CACNA2D3: variants seen among roughly 807,000 people sequenced by gnomAD.
The protein encoded by CACNA2D3 is voltage-dependent calcium channel subunit alpha-2/delta-3.
Under a neutral mutation model 160.6 loss-of-function variants are expected in CACNA2D3, and 60 were observed. That is an observed-to-expected ratio of 0.37 (90% CI 0.30 to 0.46). The LOEUF is 0.46. Ranked by LOEUF, CACNA2D3 falls within the 20% of genes least tolerant of loss-of-function variation. The probability of loss-of-function intolerance (pLI) is 1.00; values close to 1 mark genes in which losing one functional copy is unlikely to be tolerated. For synonymous variants in CACNA2D3, 558 were observed against 492.9 expected, an observed-to-expected ratio of 1.13 and a Z score of -1.75; for missense variants, 1,205 against 1,365.0, an observed-to-expected ratio of 0.88 and a Z score of 1.85.
At chr3:54,768,199 T>C (rs1702256481) in intron 13 of CACNA2D3, among the ~76,000 whole-genome samples, 1 of 152,214 alleles carries the variant, frequency 6.6e-6, no homozygotes, top group Non-Finnish European at 1.5e-5. Flanking sequence ...TGGGATACTA[T>C]GTACACTGTC....
chr3:54,636,438 C>T (rs921492748), intron 10 of CACNA2D3, among the ~76,000 whole-genome samples: 1 of 151,834 alleles, frequency 6.6e-6, no homozygotes, highest in African/African-American at 2.4e-5. Context: ...CTGAAGGAGC[C>T]AGGGAGCAGA....
At chr3:54,599,642 G>A (rs535283426) in intron 9 of CACNA2D3, among the ~76,000 whole-genome samples, 2 of 152,224 alleles carry the variant, frequency 1.3e-5, no homozygotes, top group South Asian at 2.1e-4. Context: ...TAGGCAAAAC[G>A]GTGGTCTTTC....
At chr3:54,317,655 A>T (rs1052838306) in intron 2 of CACNA2D3, among the ~76,000 whole-genome samples, 1 of 152,098 alleles carries the variant, frequency 6.6e-6, no homozygotes, top group African/African-American at 2.4e-5. Flanking sequence ...CTTCTGCCTC[A>T]GTCTCCTGAG....
intron 27 of CACNA2D3, among the ~76,000 whole-genome samples, chr3:54,923,063 C>T (rs531043644): frequency 6.6e-6 from 1 of 152,296 alleles, no homozygotes; most frequent in East Asian, 1.9e-4. Flanking sequence ...TCTTCTCCCT[C>T]ATCTCCCTGG....
intron 14 of CACNA2D3, among the ~76,000 whole-genome samples, chr3:54,824,444 A>G (rs752318222): frequency 3.3e-5 from 5 of 152,198 alleles, no homozygotes; most frequent in South Asian, 2.1e-4. Context: ...TGAGAATGAC[A>G]TCTGCCCAAC....
intron 17 of CACNA2D3, among the ~76,000 whole-genome samples, chr3:54,848,968 A>G (rs924235489): frequency 5.9e-5 from 9 of 152,166 alleles, no homozygotes; most frequent in Non-Finnish European, 8.8e-5. Context: ...TTTATTTTCT[A>G]TTGTTCTGTC....
chr3:54,352,619 C>G (rs761560682), intron 3 of CACNA2D3, among the ~76,000 whole-genome samples: 1 of 152,168 alleles, frequency 6.6e-6, no homozygotes, highest in Non-Finnish European at 1.5e-5. Flanking sequence ...CCCCAGGGAG[C>G]AGTAGAGCCC....
chr3:54,135,111 G>A (rs1035531181), intron 2 of CACNA2D3, among the ~76,000 whole-genome samples: 1 of 152,166 alleles, frequency 6.6e-6, no homozygotes, highest in Admixed American at 6.5e-5. Flanking sequence ...ACATGGGGTT[G>A]AGGCCCTGCC....
At chr3:54,711,787 G>T (rs1471852874) in intron 11 of CACNA2D3, among the ~76,000 whole-genome samples, 1 of 152,222 alleles carries the variant, frequency 6.6e-6, no homozygotes, top group East Asian at 1.9e-4. Context: ...TTCCTCATCT[G>T]CTGCTACCAG....
At chr3:54,459,832 C>T in intron 4 of CACNA2D3, among the ~76,000 whole-genome samples, 1 of 152,164 alleles carries the variant, frequency 6.6e-6, no homozygotes, top group East Asian at 1.9e-4. Context: ...GTGTTTTAGA[C>T]ATGAAGTCCT....
chr3:54,511,867 C>G (rs1361341912), intron 5 of CACNA2D3, among the ~76,000 whole-genome samples: 1 of 152,182 alleles, frequency 6.6e-6, no homozygotes, highest in Non-Finnish European at 1.5e-5. Flanking sequence ...ATGATAACTT[C>G]AGGATCAAGC....
At chr3:54,996,746 G>A (rs1206022548) in intron 31 of CACNA2D3, among the ~76,000 whole-genome samples, 6 of 152,140 alleles carry the variant, frequency 3.9e-5, no homozygotes, top group South Asian at 2.1e-4. Context: ...GGGAGGATGC[G>A]TCTGGGTTTT....
At chr3:54,996,982 T>G (rs549203406) in intron 31 of CACNA2D3, among the ~76,000 whole-genome samples, 1 of 151,976 alleles carries the variant, frequency 6.6e-6, no homozygotes, top group East Asian at 1.9e-4. Context: ...TGAGAACACA[T>G]GGACACAGGG....
At chr3:54,232,575 C>T (rs922127124) in intron 2 of CACNA2D3, among the ~76,000 whole-genome samples, 7 of 152,160 alleles carry the variant, frequency 4.6e-5, no homozygotes, top group Non-Finnish European at 5.9e-5. Context: ...GTTGAAAGAG[C>T]GTCCTGAGCC....
intron 2 of CACNA2D3, among the ~76,000 whole-genome samples, chr3:54,206,217 A>G (rs1280039664): frequency 1.3e-5 from 2 of 152,190 alleles, no homozygotes; most frequent in African/African-American, 4.8e-5. Flanking sequence ...GCATATATTA[A>G]TGTAAAAGTA....
chr3:54,901,407 ACATTTCATAAAT>A (rs1700329505), intron 27 of CACNA2D3, among the ~76,000 whole-genome samples: 1 of 152,190 alleles, frequency 6.6e-6, no homozygotes, highest in Non-Finnish European at 1.5e-5. Context: ...CAAATGCCTT[ACATTTCATAAAT>A]GCCTGTTTGG....
intron 4 of CACNA2D3, among the ~76,000 whole-genome samples, chr3:54,393,580 C>A (rs112080430): frequency 6.6e-6 from 1 of 152,216 alleles, no homozygotes; most frequent in African/African-American, 2.4e-5. Context: ...CAGTCACTAT[C>A]GTGCTTCGCC....
At chr3:54,321,036 T>C (rs1013440943) in intron 3 of CACNA2D3, among the ~76,000 whole-genome samples, 2 of 152,164 alleles carry the variant, frequency 1.3e-5, no homozygotes, top group African/African-American at 4.8e-5. Flanking sequence ...AAAGTTTTTA[T>C]TGGCCGGGCG....
chr3:54,599,253 G>A (rs1703019125), intron 9 of CACNA2D3, among the ~76,000 whole-genome samples: 1 of 152,164 alleles, frequency 6.6e-6, no homozygotes, highest in Admixed American at 6.5e-5. Context: ...CTCTGAGGGA[G>A]AGGAAATCAA....
Sources: gnomAD v4.1 joint callset for allele counts (sites outside exome capture counted in the v4.1 genomes callset) on GRCh38, gnomAD v4.1.1 for gene constraint, MANE v1.5 for transcripts, NCBI Gene and HGNC (gene_info 2026-07-23, HGNC 2026-07-21) for gene names.